The following MRRF variants were observed in gnomAD, a reference collection of about 807,000 sequenced individuals.
The protein encoded by MRRF is ribosome-recycling factor, mitochondrial.
In MRRF, 18 loss-of-function variants were observed where a neutral mutation model predicts 25.1. The observed-to-expected ratio is 0.72, with a 90% CI of 0.50 to 1.06. The LOEUF (loss-of-function observed/expected upper bound fraction) is 1.06. Ranked by LOEUF, MRRF falls within the 50% of genes least tolerant of loss-of-function variation. The pLI is 0.00. For synonymous variants in MRRF, 113 were observed against 112.1 expected (o/e 1.01, Z -0.05); for missense variants, 323 against 319.3 (o/e 1.01, Z -0.09).
chr9:122,294,048 A>G (rs1436187470), intron 5 of MRRF, among the ~76,000 whole-genome samples: 1 of 152,202 alleles, frequency 6.6e-6, no homozygotes, highest in Admixed American at 6.5e-5. Context: ...AGAGTAATAG[A>G]TAGTAGTCAG....
intron 5 of MRRF, among the ~76,000 whole-genome samples, chr9:122,304,789 T>C (rs942967586): frequency 2.0e-5 from 3 of 152,158 alleles, no homozygotes; most frequent in Non-Finnish European, 2.9e-5. Flanking sequence ...CTGGTAAGAA[T>C]AGTTGCTAGA....
At chr9:122,299,874 A>G (rs1834335352) in intron 5 of MRRF, among the ~76,000 whole-genome samples, 1 of 142,860 alleles carries the variant, frequency 7.0e-6, no homozygotes, top group South Asian at 2.3e-4. Context: ...GTGGTTAGAC[A>G]GAGATTGATG....
intron 5 of MRRF, among the ~76,000 whole-genome samples, chr9:122,308,537 A>G (rs1213440468): frequency 6.6e-6 from 1 of 151,542 alleles, no homozygotes; most frequent in African/African-American, 2.4e-5. Flanking sequence ...CGTCTCTACT[A>G]AAAATACAAA....
rs1226526406 is a variant in MRRF at position 122,323,417 on chromosome 9, T to A, written c.*800T>A. The A allele has an allele frequency of 6.6e-6, 1 of 152,322 alleles. No individual in the cohort carries two copies. The highest frequency in any genetic ancestry group is 2.4e-5 in the African/African-American group (1 of 41,464). The allele number at this position is 152,322 out of a possible 1,614,324, so 9.4% of individuals were successfully genotyped here. On this transcript the variant is annotated 3_prime_UTR_variant, in exon 7 of 7. Transcript: ENST00000344641. ...GTAATGCCTGGAGCATAGTAGGCAG[T>A]CATATGTTGTATCGTGAATAAATTG...
At chr9:122,275,667 A>G (rs543893308) in intron 2 of MRRF, among the ~76,000 whole-genome samples, 9 of 152,222 alleles carry the variant, frequency 5.9e-5, no homozygotes, top group South Asian at 2.1e-4. Flanking sequence ...CAACCCTGAG[A>G]TTCTGCATAC....
chr9:122,280,131 T>C (rs1368603866), intron 2 of MRRF, among the ~76,000 whole-genome samples: 1 of 152,222 alleles, frequency 6.6e-6, no homozygotes, highest in Non-Finnish European at 1.5e-5. Context: ...GATGTTACTA[T>C]TCTTTTACAG....
chr9:122,294,826 G>A (rs1415677610), intron 5 of MRRF, among the ~76,000 whole-genome samples: 8 of 152,166 alleles, frequency 5.3e-5, no homozygotes, highest in Admixed American at 4.6e-4. Context: ...AATAAATTAA[G>A]TGGTATGATT....
chr9:122,308,042 A>G (rs1019607984), intron 5 of MRRF, among the ~76,000 whole-genome samples: 3 of 152,236 alleles, frequency 2.0e-5, no homozygotes, highest in Admixed American at 1.3e-4. Flanking sequence ...TCATAGGAAC[A>G]TGCTCAAGGA....
chr9:122,272,636 A>C (rs563596324), intron 2 of MRRF, among the ~76,000 whole-genome samples: 2 of 152,034 alleles, frequency 1.3e-5, no homozygotes, highest in Non-Finnish European at 2.9e-5. Context: ...TTTCTTTTAG[A>C]TTTATTCGAT....
chr9:122,298,077 T>C (rs1834208413), intron 5 of MRRF, among the ~76,000 whole-genome samples: 1 of 152,194 alleles, frequency 6.6e-6, no homozygotes, highest in South Asian at 2.1e-4. Context: ...CTTGCTTGGG[T>C]TCATTTAGCT....
chr9:122,304,062 A>AACACACACACACACAC (rs66775611), intron 5 of MRRF, among the ~76,000 whole-genome samples: 94 of 139,884 alleles, frequency 6.7e-4, no homozygotes, highest in African/African-American at 2.0e-3. Flanking sequence ...ACCCTTTTCT[A>AACACACACACACACAC]ACACACACAC....
chr9:122,310,989 C>G (rs1275259329), intron 5 of MRRF, among the ~76,000 whole-genome samples: 1 of 152,178 alleles, frequency 6.6e-6, no homozygotes, highest in African/African-American at 2.4e-5. Context: ...CATTCATAAA[C>G]ACTATCATTT....
At chr9:122,303,941 G>A (rs1159296747) in intron 5 of MRRF, among the ~76,000 whole-genome samples, 1 of 152,040 alleles carries the variant, frequency 6.6e-6, no homozygotes, top group Non-Finnish European at 1.5e-5. Flanking sequence ...TTACAGAGTA[G>A]TGTCTATAGT....
In MRRF at chr9:122,323,434, A is replaced by T. The variant is rs1315831721; in HGVS notation, c.*817A>T. 11 of 152,256 alleles carry T rather than the reference A, an allele frequency of 7.2e-5. No homozygotes were observed. The highest frequency in any genetic ancestry group is 1.3e-4 in the Non-Finnish European group (9 of 68,046). The allele number at this position is 152,256 out of a possible 1,614,324, so 9.4% of individuals were successfully genotyped here. On this transcript the variant is annotated 3_prime_UTR_variant, in exon 7 of 7. Coordinates refer to ENST00000344641, the MANE Select transcript of MRRF (RefSeq NM_138777.5). ...GTAGGCAGTCATATGTTGTATCGTG[A>T]ATAAATTGCACATAGTAGCTACCCA...
In MRRF at chr9:122,324,113, T is replaced by G. The variant is rs2119034151; in HGVS notation, c.*1496T>G. ...AATTCAATTCATTTCTGACATTACCTGGAAATAGTGTCAGATCCCACAGGT... is the reference window on the plus strand; with the variant it reads ...AATTCAATTCATTTCTGACATTACCGGGAAATAGTGTCAGATCCCACAGGT... On this transcript the variant is annotated 3_prime_UTR_variant, in exon 7 of 7. Coordinates refer to ENST00000344641, the MANE Select transcript of MRRF (RefSeq NM_138777.5). 1.3e-5 allele frequency: 2 copies of G among 152,318 alleles called. No homozygotes were observed. The highest frequency in any genetic ancestry group is 4.1e-4 in the South Asian group (2 of 4,822). 9.4% of individuals were successfully genotyped at this position (152,318 alleles called of 1,614,324 possible).
intron 5 of MRRF, among the ~76,000 whole-genome samples, chr9:122,300,205 C>G (rs935236478): frequency 6.6e-6 from 1 of 152,280 alleles, no homozygotes; most frequent in Non-Finnish European, 1.5e-5. Context: ...CATGTGTGGT[C>G]ATTGACTGGG....
In MRRF at chr9:122,275,915, ATTG is replaced by A. The variant is rs545299840; in HGVS notation, c.185-4525_185-4523del. 4.1e-3 allele frequency among the ~76,000 whole-genome samples: 626 copies of A among 151,186 alleles called. 4 individuals are homozygous for A. Among genetic ancestry groups the A allele is most frequent in the Admixed American group, 0.013 (202 of 15,168 alleles). ...ACTTTCTTCTTTATTTTTATTTCTT[ATTG>A]TTTTTTTGAGATGGAGTCTCCCTCT... On this transcript the variant is annotated intron_variant, in intron 2 of 6. Coordinates refer to ENST00000344641, the MANE Select transcript of MRRF (RefSeq NM_138777.5).
intron 6 of MRRF, among the ~76,000 whole-genome samples, chr9:122,321,769 A>G (rs779315098): frequency 4.1e-4 from 61 of 149,370 alleles, no homozygotes; most frequent in Non-Finnish European, 8.0e-4. Flanking sequence ...TCACTTAACT[A>G]TTGGGATCTT....
intron 4 of MRRF, 40 bp from the exon 5 acceptor site, chr9:122,291,709 T>G (rs758317166): frequency 2.8e-6 from 4 of 1,415,754 alleles, no homozygotes; most frequent in Non-Finnish European, 4.0e-6. Flanking sequence ...CTGGTAATAA[T>G]TATTTACTAA....
Sources: allele counts gnomAD v4.1 joint callset (sites outside exome capture counted in the v4.1 genomes callset), GRCh38; gene constraint gnomAD v4.1.1; transcripts MANE v1.5; gene names NCBI Gene and HGNC (gene_info 2026-07-23, HGNC 2026-07-21).